SGCZ: variants seen among roughly 807,000 people sequenced by gnomAD.
SGCZ encodes the protein sarcoglycan zeta.
SGCZ carries 40 observed loss-of-function variants against 41.3 expected under a neutral mutation model. The observed-to-expected ratio is 0.97, with a 90% CI of 0.75 to 1.26. The LOEUF (loss-of-function observed/expected upper bound fraction) is 1.26. Among genes scored for constraint, SGCZ ranks in the 50% most tolerant of loss-of-function variants. The pLI is 0.00. For synonymous variants in SGCZ, 206 were observed against 137.5 expected (o/e 1.50, Z -3.49); for missense variants, 552 against 369.8 (o/e 1.49, Z -4.04).
chr8:14,862,722 T>C (rs1442564706), intron 1 of SGCZ, among the ~76,000 whole-genome samples: 1 of 151,622 alleles, frequency 6.6e-6, no homozygotes, highest in Non-Finnish European at 1.5e-5. Context: ...ATGTAGTGAT[T>C]ATAATAAGGT....
intron 1 of SGCZ, among the ~76,000 whole-genome samples, chr8:15,071,490 A>G (rs1293081924): frequency 2.0e-5 from 3 of 152,216 alleles, no homozygotes; most frequent in Admixed American, 2.0e-4. Flanking sequence ...TGATTCAAAT[A>G]TTTGTCCTGC....
intron 1 of SGCZ, among the ~76,000 whole-genome samples, chr8:14,589,621 T>C (rs894624176): frequency 2.0e-5 from 3 of 152,140 alleles, no homozygotes; most frequent in Non-Finnish European, 4.4e-5. Flanking sequence ...GTATGACTAA[T>C]CTAAACTTTA....
Position 14,089,714 on chromosome 8 carries a change from C to T in SGCZ, c.*729G>A, listed in dbSNP as rs1416882964. 1 of 151,914 alleles carries T rather than the reference C, an allele frequency of 6.6e-6. No individual in the cohort carries two copies. The allele number at this position is 151,914 out of a possible 1,614,324, so 9.4% of individuals were successfully genotyped here. A position where few individuals can be genotyped will look rare whatever the true frequency, so the allele number is the denominator to read the frequency against. On this transcript the variant is annotated 3_prime_UTR_variant, in exon 8 of 8. Transcript: ENST00000382080. ...CATGTAAATACTATATAAGGCCATC[C>T]AGATCTGACCAATGACATTATAATG...
chr8:15,097,672 A>G (rs1806397204), intron 1 of SGCZ, among the ~76,000 whole-genome samples: 1 of 151,168 alleles, frequency 6.6e-6, no homozygotes, highest in Non-Finnish European at 1.5e-5. Flanking sequence ...TCCTGAGCCC[A>G]GGAGTTTGAT....
intron 2 of SGCZ, among the ~76,000 whole-genome samples, chr8:14,535,718 T>G (rs961321430): frequency 6.6e-6 from 1 of 151,898 alleles, no homozygotes; most frequent in Non-Finnish European, 1.5e-5. Context: ...TCACACAATT[T>G]TATTAAGAGG....
chr8:14,868,135 C>G (rs1309452222), intron 1 of SGCZ, among the ~76,000 whole-genome samples: 4 of 152,100 alleles, frequency 2.6e-5, no homozygotes, highest in Non-Finnish European at 4.4e-5. Context: ...ACCTGGAAAT[C>G]AGACATTCAT....
rs77087611 is a variant in SGCZ at position 14,148,800 on chromosome 8, C to G, written c.547+15780G>C. 3.5e-3 allele frequency among the ~76,000 whole-genome samples: 531 copies of G among 152,090 alleles called. 5 individuals carry two copies. The highest frequency in any genetic ancestry group is 0.024 in the Middle Eastern group (7 of 294). On this transcript the variant is annotated intron_variant, in intron 5 of 7. Coordinates refer to ENST00000382080, the MANE Select transcript of SGCZ (RefSeq NM_139167.4). ...GCAAAAATCTTCCATAAAATACTAG[C>G]AAACTGAATTCAACAATGCATTAGA... is the stretch of plus-strand genomic sequence containing the variant.
chr8:14,302,762 A>T (rs1429639722), intron 3 of SGCZ, among the ~76,000 whole-genome samples: 1 of 152,160 alleles, frequency 6.6e-6, no homozygotes, highest in Non-Finnish European at 1.5e-5. Flanking sequence ...CACCGACCCT[A>T]AATTTTTTTC....
At chr8:14,833,903 A>G (rs974602958) in intron 1 of SGCZ, among the ~76,000 whole-genome samples, 8 of 152,202 alleles carry the variant, frequency 5.3e-5, no homozygotes, top group African/African-American at 1.7e-4. Context: ...TTAAAGGTCA[A>G]CAGTTTGGAG....
At chr8:14,797,885 C>T (rs1248591423) in intron 1 of SGCZ, among the ~76,000 whole-genome samples, 2 of 152,182 alleles carry the variant, frequency 1.3e-5, no homozygotes, top group Admixed American at 6.5e-5. Context: ...AAACCCCAAG[C>T]CTTGGCAGTT....
At chr8:14,667,119 T>C (rs1020036134) in intron 1 of SGCZ, among the ~76,000 whole-genome samples, 6 of 152,118 alleles carry the variant, frequency 3.9e-5, no homozygotes, top group African/African-American at 1.2e-4. Flanking sequence ...AGGTATGATA[T>C]AAATACAAAC....
chr8:14,800,927 A>G (rs1407289220), intron 1 of SGCZ, among the ~76,000 whole-genome samples: 1 of 152,190 alleles, frequency 6.6e-6, no homozygotes, highest in Non-Finnish European at 1.5e-5. Flanking sequence ...TGACAACCAT[A>G]ATGGTTTTAT....
At chr8:14,334,298 T>C (rs568365544) in intron 2 of SGCZ, among the ~76,000 whole-genome samples, 25 of 152,226 alleles carry the variant, frequency 1.6e-4, no homozygotes, top group African/African-American at 6.0e-4. Flanking sequence ...GCTCAGTTCA[T>C]ACAGCACTTC....
chr8:14,209,131 G>A (rs1043958018), intron 4 of SGCZ, among the ~76,000 whole-genome samples: 1 of 152,208 alleles, frequency 6.6e-6, no homozygotes, highest in African/African-American at 2.4e-5. Context: ...CAGCCACGTG[G>A]AAAGCCCATT....
rs928605344 is a variant in SGCZ, at chr8:14,543,073, C to A, written c.234+11659G>T. On this transcript the variant is annotated intron_variant, in intron 2 of 7. Coordinates refer to ENST00000382080, the MANE Select transcript of SGCZ (RefSeq NM_139167.4). ...CTGGTTTTACTTTAATCTGTCTGTTCTGCTTGGATATTTTATTTAGGAACA... is the reference window on the plus strand; with the variant it reads ...CTGGTTTTACTTTAATCTGTCTGTTATGCTTGGATATTTTATTTAGGAACA... Among the ~76,000 whole-genome samples, 8 of 151,886 alleles carry A rather than the reference C, an allele frequency of 5.3e-5. No individual in the cohort carries two copies. The East Asian group carries it at 1.6e-3, about 30-fold the overall frequency.
intron 5 of SGCZ, among the ~76,000 whole-genome samples, chr8:14,140,788 A>G (rs1459037219): frequency 6.6e-6 from 1 of 152,168 alleles, no homozygotes; most frequent in East Asian, 1.9e-4. Context: ...TCAAGCTACC[A>G]ATGCCTTTCT....
chr8:14,990,366 C>T lies in SGCZ; in HGVS notation c.39+247219G>A, dbSNP rs911402726. Among the ~76,000 whole-genome samples, 4 of 146,092 alleles carry T rather than the reference C, an allele frequency of 2.7e-5. No individual in the cohort carries two copies. The Admixed American group carries it at 2.8e-4, about 10-fold the overall frequency. ...GATCCCTGGCCTGTTAGGAACCAGG[C>T]CGCATAGGAGCTGAGTGGCAAGCAA... On this transcript the variant is annotated intron_variant, in intron 1 of 7. Transcript: ENST00000382080.
intron 1 of SGCZ, among the ~76,000 whole-genome samples, chr8:14,751,976 T>C (rs752354303): frequency 5.3e-5 from 8 of 151,512 alleles, no homozygotes; most frequent in Non-Finnish European, 1.0e-4. Flanking sequence ...CTTAGAGGAT[T>C]TGAGGACAGA....
chr8:14,417,548 AT>A (rs917137858), intron 2 of SGCZ, among the ~76,000 whole-genome samples: 3 of 151,830 alleles, frequency 2.0e-5, no homozygotes, highest in Admixed American at 1.3e-4. Context: ...TGTAATCATT[AT>A]TTCCCCCCCT....
Sources: gnomAD v4.1 joint callset for allele counts (sites outside exome capture counted in the v4.1 genomes callset) on GRCh38, gnomAD v4.1.1 for gene constraint, MANE v1.5 for transcripts, NCBI Gene and HGNC (gene_info 2026-07-23, HGNC 2026-07-21) for gene names.